The following GRID1 variants were observed in gnomAD, a reference collection of about 807,000 sequenced individuals.
The protein encoded by GRID1 is glutamate receptor ionotropic, delta-1.
In GRID1, 28 loss-of-function variants were observed where a neutral mutation model predicts 98.0. The observed-to-expected ratio is 0.29, with a 90% CI of 0.21 to 0.39. The LOEUF (loss-of-function observed/expected upper bound fraction) is 0.39. GRID1 is among the 10% of genes least tolerant of loss of function. The pLI, the probability that GRID1 is intolerant of heterozygous loss-of-function variation, is 1.00. For synonymous variants in GRID1, 553 were observed against 538.5 expected, an observed-to-expected ratio of 1.03 and a Z score of -0.37; for missense variants, 1,111 against 1,340.5, an observed-to-expected ratio of 0.83 and a Z score of 2.67.
intron 8 of GRID1, among the ~76,000 whole-genome samples, chr10:85,746,762 T>C (rs1842001065): frequency 1.3e-5 from 2 of 151,988 alleles, no homozygotes; most frequent in Admixed American, 1.3e-4. Context: ...TCAGTTAAAG[T>C]CACCCATCCA....
chr10:86,056,690 T>A (rs969177455), intron 4 of GRID1, among the ~76,000 whole-genome samples: 8 of 152,368 alleles, frequency 5.3e-5, no homozygotes, highest in African/African-American at 1.4e-4. Flanking sequence ...GCTCCCTGCA[T>A]GCAGCAGACA....
At chr10:86,181,134 G>A (rs894700335) in intron 3 of GRID1, among the ~76,000 whole-genome samples, 3 of 152,222 alleles carry the variant, frequency 2.0e-5, no homozygotes, top group African/African-American at 7.2e-5. Context: ...ACAGGTGCCA[G>A]GAGCAGGGCA....
intron 3 of GRID1, among the ~76,000 whole-genome samples, chr10:86,205,472 C>T (rs1321842189): frequency 6.6e-6 from 1 of 152,214 alleles, no homozygotes; most frequent in African/African-American, 2.4e-5. Flanking sequence ...AGTAAATCCA[C>T]ACCTGCAAGA....
chr10:86,063,381 A>C (rs1843675548), intron 4 of GRID1, among the ~76,000 whole-genome samples: 1 of 152,204 alleles, frequency 6.6e-6, no homozygotes, highest in Non-Finnish European at 1.5e-5. Context: ...ACTGATGGGA[A>C]ATGCCAGAAC....
At chr10:85,768,385 T>C (rs374049455) in intron 8 of GRID1, among the ~76,000 whole-genome samples, 5 of 147,652 alleles carry the variant, frequency 3.4e-5, no homozygotes. Context: ...AAAATAGTAA[T>C]TGGACTACGT....
intron 8 of GRID1, among the ~76,000 whole-genome samples, chr10:85,780,872 T>A (rs554237267): frequency 6.6e-6 from 1 of 152,350 alleles, no homozygotes; most frequent in African/African-American, 2.4e-5. Context: ...TGGCACATAG[T>A]GTTTTATAAA....
chr10:85,856,281 G>A (rs1590267431), intron 6 of GRID1, 91 bp from the exon 7 acceptor site: 1 of 1,164,012 alleles, frequency 8.6e-7, no homozygotes. Flanking sequence ...AATGCAGGAT[G>A]CCAACATTAA....
At chr10:86,313,293 C>T (rs1847856494) in intron 2 of GRID1, among the ~76,000 whole-genome samples, 1 of 152,264 alleles carries the variant, frequency 6.6e-6, no homozygotes, top group South Asian at 2.1e-4. Context: ...CCAAGCTCCT[C>T]ACACATATCT....
At chr10:86,027,399 T>C (rs1450793479) in intron 4 of GRID1, among the ~76,000 whole-genome samples, 1 of 152,216 alleles carries the variant, frequency 6.6e-6, no homozygotes. Context: ...TGTTCAAGTT[T>C]TATCCAAGCT....
chr10:86,319,406 A>G (rs1001889439), intron 2 of GRID1, among the ~76,000 whole-genome samples: 3 of 152,160 alleles, frequency 2.0e-5, no homozygotes, highest in Non-Finnish European at 4.4e-5. Context: ...AAGGTCAGAG[A>G]GGTTAAGCAG....
intron 4 of GRID1, among the ~76,000 whole-genome samples, chr10:85,963,165 G>T (rs547326163): frequency 6.6e-6 from 1 of 151,984 alleles, no homozygotes; most frequent in Admixed American, 6.6e-5. Context: ...AACTTAGAAG[G>T]CTCATGGCTT....
chr10:86,126,984 T>C (rs1844763151), intron 4 of GRID1, among the ~76,000 whole-genome samples: 4 of 152,268 alleles, frequency 2.6e-5, no homozygotes, highest in Admixed American at 2.6e-4. Flanking sequence ...GCTTTAGCCA[T>C]TCTTCTCTGA....
chr10:86,278,465 CAAT>C (rs1847305880), intron 2 of GRID1, among the ~76,000 whole-genome samples: 2 of 151,592 alleles, frequency 1.3e-5, no homozygotes, highest in Admixed American at 1.3e-4. Flanking sequence ...AACAGAAAAA[CAAT>C]AGGAAAATCA....
At chr10:86,123,741 C>T (rs1844711645) in intron 4 of GRID1, among the ~76,000 whole-genome samples, 2 of 152,212 alleles carry the variant, frequency 1.3e-5, no homozygotes, top group South Asian at 4.1e-4. Context: ...CTCTCTCAGC[C>T]CTTCCACAAG....
At chr10:85,863,603 G>GATCAGT (rs1843186623) in intron 6 of GRID1, among the ~76,000 whole-genome samples, 1 of 152,170 alleles carries the variant, frequency 6.6e-6, no homozygotes, top group South Asian at 2.1e-4. Context: ...GCAGGATCAG[G>GATCAGT]ACCAGAGATA....
At chr10:85,724,712 C>G in intron 10 of GRID1, 36 bp from the exon 11 acceptor site, 2 of 1,550,366 alleles carry the variant, frequency 1.3e-6, no homozygotes, top group Non-Finnish European at 1.8e-6. Flanking sequence ...GACGGCAGTC[C>G]TCAGCTTACT....
intron 12 of GRID1, among the ~76,000 whole-genome samples, chr10:85,674,011 G>T (rs533212907): frequency 1.2e-4 from 19 of 152,202 alleles, no homozygotes; most frequent in Admixed American, 4.6e-4. Context: ...TTAATTAATG[G>T]ATCCATTTTT....
rs187020778 is a variant in GRID1 at position 86,281,020 on chromosome 10, G to A, written c.236-74372C>T. On this transcript the variant is annotated intron_variant, in intron 2 of 15. Coordinates refer to ENST00000327946, the MANE Select transcript of GRID1 (RefSeq NM_017551.3). ...TCCTCTGAACCTCGCCTGGAGCCAGGGGCATTTTCCCTTTGGGACTTGTTC... is the reference window on the plus strand; with the variant it reads ...TCCTCTGAACCTCGCCTGGAGCCAGAGGCATTTTCCCTTTGGGACTTGTTC... Among the ~76,000 whole-genome samples, 4 of 152,286 alleles carry A rather than the reference G, an allele frequency of 2.6e-5. No homozygotes were observed. In the East Asian group the frequency reaches 7.7e-4, roughly 29 times the overall value.
At chr10:86,108,943 C>A (rs1481530909) in intron 4 of GRID1, among the ~76,000 whole-genome samples, 1 of 152,236 alleles carries the variant, frequency 6.6e-6, no homozygotes, top group South Asian at 2.1e-4. Context: ...TCTCCGAGCC[C>A]CTCCCCAACC....
Sources: gnomAD v4.1 joint callset for allele counts (sites outside exome capture counted in the v4.1 genomes callset) on GRCh38, gnomAD v4.1.1 for gene constraint, MANE v1.5 for transcripts, NCBI Gene and HGNC (gene_info 2026-07-23, HGNC 2026-07-21) for gene names.